The following ASXL2 variants were observed in gnomAD, a reference collection of about 807,000 sequenced individuals.
ASXL2 encodes ASXL transcriptional regulator 2.
ASXL2 carries 23 observed loss-of-function variants against 122.0 expected under a neutral mutation model. That is an observed-to-expected ratio of 0.19 (90% CI 0.14 to 0.27). The LOEUF (loss-of-function observed/expected upper bound fraction) is 0.27, where lower values mean the gene tolerates loss of function less well. ASXL2 is among the 10% of genes least tolerant of loss of function. The pLI, the probability that ASXL2 is intolerant of heterozygous loss-of-function variation, is 1.00. For synonymous variants in ASXL2, 650 were observed against 637.0 expected (o/e 1.02, Z -0.31); for missense variants, 1,518 against 1,713.8 (o/e 0.89, Z 2.02).
At chr2:25,876,905 C>T (rs1358341299) in intron 1 of ASXL2, among the ~76,000 whole-genome samples, 1 of 152,042 alleles carries the variant, frequency 6.6e-6, no homozygotes, top group Non-Finnish European at 1.5e-5. Flanking sequence ...AGTTTAGAAA[C>T]AAATGCACAA....
At chr2:25,782,125 T>G (rs765015268) in intron 5 of ASXL2, among the ~76,000 whole-genome samples, 8 of 152,038 alleles carry the variant, frequency 5.3e-5, no homozygotes, top group South Asian at 4.1e-4. Flanking sequence ...TTATCTCCAC[T>G]GATTCTTTTG....
At position 25,750,143 on chromosome 2, in the gene ASXL2, T is replaced by C. The variant is rs770921086; in HGVS notation, c.1413A>G (p.Thr471=). Residue 471 remains threonine, a synonymous_variant, in exon 12 of 13, where the codon ACA becomes ACG. Coordinates refer to ENST00000435504, the MANE Select transcript of ASXL2 (RefSeq NM_018263.6). Reference sequence around the variant, plus strand: ...TGGGAAGAATGCTGCTAAGCTCATGTGTATTGAGAGCTGAGGAAAGCAGGG... The same window carrying C: ...TGGGAAGAATGCTGCTAAGCTCATGCGTATTGAGAGCTGAGGAAAGCAGGG... ...SEPLLSSALN[T]HELSSILPIK... is the part of the protein sequence containing the mutation. 1 of 1,613,972 alleles carries C rather than the reference T, an allele frequency of 6.2e-7. No individual in the cohort carries two copies. Among genetic ancestry groups the C allele is most frequent in the South Asian group, 1.1e-5 (1 of 91,084 alleles).
intron 1 of ASXL2, among the ~76,000 whole-genome samples, chr2:25,874,323 T>C (rs1389154429): frequency 6.6e-6 from 1 of 152,072 alleles, no homozygotes; most frequent in African/African-American, 2.4e-5. Flanking sequence ...ACCCCATCTC[T>C]ACAAAAAATT....
chr2:25,747,937 G>T (rs1474621295), intron 12 of ASXL2, among the ~76,000 whole-genome samples: 1 of 152,096 alleles, frequency 6.6e-6, no homozygotes, highest in Non-Finnish European at 1.5e-5. Flanking sequence ...GGGAGGCCGA[G>T]GCAGGTGGAT....
At chr2:25,826,331 A>G (rs1184493568) in intron 3 of ASXL2, among the ~76,000 whole-genome samples, 1 of 152,166 alleles carries the variant, frequency 6.6e-6, no homozygotes, top group African/African-American at 2.4e-5. Context: ...GAAATCCTGA[A>G]GTCTACTCCT....
At chr2:25,824,589 A>G (rs901112717) in intron 3 of ASXL2, among the ~76,000 whole-genome samples, 3 of 152,156 alleles carry the variant, frequency 2.0e-5, no homozygotes, top group Admixed American at 1.3e-4. Flanking sequence ...TTTTGCTATC[A>G]ATTCAAGAAT....
At chr2:25,756,832 G>C (rs993140447) in intron 9 of ASXL2, among the ~76,000 whole-genome samples, 4 of 152,202 alleles carry the variant, frequency 2.6e-5, no homozygotes, top group African/African-American at 7.2e-5. Context: ...CAGTCAGCTG[G>C]AAATTGCCTA....
intron 1 of ASXL2, among the ~76,000 whole-genome samples, chr2:25,853,931 T>G (rs2089747490): frequency 6.6e-6 from 1 of 152,056 alleles, no homozygotes; most frequent in Admixed American, 6.6e-5. Flanking sequence ...ATGCCTCTTT[T>G]TAAAAAAGGA....
In ASXL2 at chr2:25,768,782, C is replaced by T; in HGVS notation, c.591G>A (p.Lys197=). 6.2e-7 allele frequency: 1 copy of T among 1,613,882 alleles called. No individual in the cohort carries two copies. Among genetic ancestry groups the T allele is most frequent in the South Asian group, 1.1e-5 (1 of 91,070 alleles). The change falls in exon 7 of 13, where the codon AAG becomes AAA. Residue 197 remains lysine, a synonymous_variant. Transcript: ENST00000435504. ...CAGAGTCACTGGCTGCTTTGACAGTCTTTAGTGAGAGATGCTGGTTGGAGG... is the reference window on the plus strand; with the variant it reads ...CAGAGTCACTGGCTGCTTTGACAGTTTTTAGTGAGAGATGCTGGTTGGAGG... ...SISSNQHLSL[K]TVKAASDSVP...
At chr2:25,757,873 G>T (rs1462106021) in intron 9 of ASXL2, among the ~76,000 whole-genome samples, 1 of 145,636 alleles carries the variant, frequency 6.9e-6, no homozygotes, top group Non-Finnish European at 1.5e-5. Context: ...CAGGCCCTCA[G>T]TTACATCCTG....
At chr2:25,828,820 G>C (rs998988659) in intron 3 of ASXL2, among the ~76,000 whole-genome samples, 30 of 75,550 alleles carry the variant, frequency 4.0e-4, no homozygotes, top group Non-Finnish European at 1.2e-4. Context: ...GTGAGACTGT[G>C]TCTCAAAAAA....
chr2:25,858,709 G>A (rs2089810434), intron 1 of ASXL2, among the ~76,000 whole-genome samples: 2 of 145,532 alleles, frequency 1.4e-5, no homozygotes, highest in Admixed American at 6.9e-5. Flanking sequence ...GCGACAGAGC[G>A]AGACCCCGCC....
intron 3 of ASXL2, among the ~76,000 whole-genome samples, chr2:25,832,621 G>C (rs1414392835): frequency 6.6e-6 from 1 of 151,874 alleles, no homozygotes; most frequent in Non-Finnish European, 1.5e-5. Flanking sequence ...TTCATTTACA[G>C]TTTCAAGGTG....
intron 2 of ASXL2, among the ~76,000 whole-genome samples, chr2:25,843,814 T>TAAAAAAAAAAAAAAAAAAAAAA (rs541446675): frequency 3.5e-5 from 3 of 86,536 alleles, no homozygotes; most frequent in Non-Finnish European, 6.8e-5. Context: ...CTCCATCTCT[T>TAAAAAAAAAAAAAAAAAAAAAA]AAAAAAAAAA....
At chr2:25,830,271 G>A (rs931496860) in intron 3 of ASXL2, among the ~76,000 whole-genome samples, 1 of 152,200 alleles carries the variant, frequency 6.6e-6, no homozygotes, top group Non-Finnish European at 1.5e-5. Flanking sequence ...ATGGAAAATC[G>A]CTATCTGAAT....
intron 5 of ASXL2, among the ~76,000 whole-genome samples, chr2:25,772,927 G>A (rs2088481382): frequency 6.6e-6 from 1 of 152,006 alleles, no homozygotes; most frequent in South Asian, 2.1e-4. Context: ...ATGATGACTT[G>A]GCCGGGCGTG....
At chr2:25,825,061 A>G (rs2089360707) in intron 3 of ASXL2, among the ~76,000 whole-genome samples, 1 of 152,222 alleles carries the variant, frequency 6.6e-6, no homozygotes, top group East Asian at 1.9e-4. Context: ...TTGCATTGTG[A>G]GCAGAAGTTA....
intron 1 of ASXL2, among the ~76,000 whole-genome samples, chr2:25,876,870 TAAAGTTTACAAAACAAATGCAC>T (rs2090013301): frequency 1.3e-5 from 2 of 152,276 alleles, no homozygotes; most frequent in South Asian, 2.1e-4. Flanking sequence ...TCCTAATGCA[TAAAGTTTACAAAACAAATGCAC>T]AAAGTTTAGA....
At chr2:25,783,914 C>T (rs1456717915) in intron 5 of ASXL2, among the ~76,000 whole-genome samples, 6 of 152,072 alleles carry the variant, frequency 3.9e-5, no homozygotes, top group Middle Eastern at 6.8e-3. Context: ...ATTAGTCGGG[C>T]GTGGTGGCAC....
Sources: allele counts gnomAD v4.1 joint callset (sites outside exome capture counted in the v4.1 genomes callset), GRCh38; gene constraint gnomAD v4.1.1; transcripts MANE v1.5; gene names NCBI Gene and HGNC (gene_info 2026-07-23, HGNC 2026-07-21).